The following DLG2 variants were observed in gnomAD, a reference collection of about 807,000 sequenced individuals.
The protein encoded by DLG2 is discs large MAGUK scaffold protein 2.
DLG2 carries 45 observed loss-of-function variants against 132.5 expected under a neutral mutation model. That is an observed-to-expected ratio of 0.34 (90% CI 0.27 to 0.44). The LOEUF is 0.44. Ranked by LOEUF, DLG2 falls within the 20% of genes least tolerant of loss-of-function variation. DLG2 has a pLI of 1.00. For synonymous variants in DLG2, 424 were observed against 419.6 expected, an observed-to-expected ratio of 1.01 and a Z score of -0.13; for missense variants, 1,045 against 1,196.9, an observed-to-expected ratio of 0.87 and a Z score of 1.87.
At chr11:83,603,837 G>A (rs953688413) in intron 19 of DLG2, among the ~76,000 whole-genome samples, 6 of 152,066 alleles carry the variant, frequency 3.9e-5, no homozygotes, top group Admixed American at 1.3e-4. Context: ...GAATCTTTCT[G>A]ATTGCTTTAT....
intron 3 of DLG2, among the ~76,000 whole-genome samples, chr11:85,428,060 T>A (rs886687730): frequency 1.3e-5 from 2 of 152,126 alleles, no homozygotes; most frequent in South Asian, 4.1e-4. Context: ...AGGGATCAAT[T>A]CAACAAGAAG....
intron 4 of DLG2, among the ~76,000 whole-genome samples, chr11:85,222,621 T>C (rs1375123354): frequency 6.6e-6 from 1 of 152,188 alleles, no homozygotes; most frequent in Non-Finnish European, 1.5e-5. Flanking sequence ...GTCCACAGAT[T>C]GTAAAGACTG....
At chr11:85,473,875 C>G (rs906489824) in intron 3 of DLG2, among the ~76,000 whole-genome samples, 1 of 151,742 alleles carries the variant, frequency 6.6e-6, no homozygotes, top group South Asian at 2.1e-4. Context: ...AAAATTTGAT[C>G]AATCTGATAC....
intron 6 of DLG2, among the ~76,000 whole-genome samples, chr11:84,870,076 TAG>T (rs2154040543): frequency 6.6e-6 from 1 of 152,308 alleles, no homozygotes; most frequent in South Asian, 2.1e-4. Context: ...ATACACTAAA[TAG>T]AGCAGGTTTT....
intron 7 of DLG2, among the ~76,000 whole-genome samples, chr11:84,302,796 T>A (rs1048682471): frequency 2.0e-5 from 3 of 152,090 alleles, no homozygotes; most frequent in Non-Finnish European, 4.4e-5. Flanking sequence ...TATTAAAAAA[T>A]AAAACGTGGG....
chr11:84,484,470 C>T (rs957826171), intron 7 of DLG2, among the ~76,000 whole-genome samples: 2 of 152,150 alleles, frequency 1.3e-5, no homozygotes, highest in African/African-American at 4.8e-5. Context: ...CCTACTCAGA[C>T]ACAGGTAAGC....
chr11:85,426,221 G>A (rs906083377), intron 3 of DLG2, among the ~76,000 whole-genome samples: 2 of 152,004 alleles, frequency 1.3e-5, no homozygotes, highest in Non-Finnish European at 2.9e-5. Context: ...GCAGGGCACA[G>A]CCAAACAAAA....
rs537934921 is a variant in DLG2 at position 83,535,596 on chromosome 11, C to A, written c.2118-2813G>T. ...CCAGACACACACACAGACACACACA[C>A]ATACACTCACCTACCATTTGCTATA... On this transcript the variant is annotated intron_variant, in intron 20 of 27. Coordinates refer to ENST00000376104, the MANE Select transcript of DLG2 (RefSeq NM_001142699.3). 2.0e-5 allele frequency among the ~76,000 whole-genome samples: 3 copies of A among 152,142 alleles called. No homozygotes were observed. In the South Asian group the frequency reaches 6.2e-4, roughly 32 times the overall value.
chr11:84,049,956 A>G (rs547263507), intron 11 of DLG2, among the ~76,000 whole-genome samples: 38 of 151,784 alleles, frequency 2.5e-4, no homozygotes, highest in Non-Finnish European at 5.3e-4. Context: ...GTTGGGAATG[A>G]AATGAACAAA....
intron 7 of DLG2, among the ~76,000 whole-genome samples, chr11:84,389,010 C>G (rs549021547): frequency 6.6e-6 from 1 of 152,194 alleles, no homozygotes; most frequent in African/African-American, 2.4e-5. Flanking sequence ...TTCATATAGA[C>G]TGGGTTGTTG....
intron 6 of DLG2, among the ~76,000 whole-genome samples, chr11:84,764,798 G>T (rs570400269): frequency 1.6e-4 from 24 of 152,150 alleles, no homozygotes; most frequent in Middle Eastern, 6.8e-3. Flanking sequence ...TTGGCATTCT[G>T]GGAGTAACGG....
chr11:84,886,347 G>A (rs1255172654), intron 6 of DLG2, among the ~76,000 whole-genome samples: 1 of 152,080 alleles, frequency 6.6e-6, no homozygotes, highest in Non-Finnish European at 1.5e-5. Flanking sequence ...GAAACAACAA[G>A]ATCATTTTCT....
At chr11:84,577,411 T>A (rs1356687673) in intron 6 of DLG2, among the ~76,000 whole-genome samples, 1 of 152,280 alleles carries the variant, frequency 6.6e-6, no homozygotes, top group Non-Finnish European at 1.5e-5. Flanking sequence ...GTTGACTGGC[T>A]TTGCCCAAAA....
chr11:84,680,835 T>C (rs2099727407), intron 6 of DLG2, among the ~76,000 whole-genome samples: 1 of 152,198 alleles, frequency 6.6e-6, no homozygotes, highest in Non-Finnish European at 1.5e-5. Flanking sequence ...GTTTTATACA[T>C]AATTCTTAGT....
At chr11:84,817,217 T>G (rs931873158) in intron 6 of DLG2, among the ~76,000 whole-genome samples, 2 of 152,018 alleles carry the variant, frequency 1.3e-5, no homozygotes, top group East Asian at 3.9e-4. Flanking sequence ...CCATTTCAGT[T>G]GAACTGTTTG....
chr11:84,815,936 C>A (rs2077041153), intron 6 of DLG2, among the ~76,000 whole-genome samples: 2 of 151,974 alleles, frequency 1.3e-5, no homozygotes, highest in African/African-American at 4.8e-5. Context: ...GTAGCAATTG[C>A]CCAATAGGGA....
intron 6 of DLG2, among the ~76,000 whole-genome samples, chr11:84,807,797 G>C (rs1197261650): frequency 6.6e-6 from 1 of 152,114 alleles, no homozygotes; most frequent in Admixed American, 6.5e-5. Context: ...AATCCACAAA[G>C]AAGACAGCAG....
At chr11:85,239,466 TTCC>T (rs1392820126) in intron 4 of DLG2, among the ~76,000 whole-genome samples, 1 of 152,054 alleles carries the variant, frequency 6.6e-6, no homozygotes, top group African/African-American at 2.4e-5. Flanking sequence ...CATACCTGAC[TTCC>T]TCCTAATTTT....
At chr11:84,746,423 CA>C (rs558240720) in intron 6 of DLG2, among the ~76,000 whole-genome samples, 63 of 146,294 alleles carry the variant, frequency 4.3e-4, no homozygotes, top group African/African-American at 1.5e-3. Flanking sequence ...GTCTTTATTT[CA>C]GCTTAGTTTA....
Sources: gnomAD v4.1 joint callset for allele counts (sites outside exome capture counted in the v4.1 genomes callset) on GRCh38, gnomAD v4.1.1 for gene constraint, MANE v1.5 for transcripts, NCBI Gene and HGNC (gene_info 2026-07-23, HGNC 2026-07-21) for gene names.